Variants in PTPRS observed in about 807,000 individuals in gnomAD.
PTPRS encodes receptor-type tyrosine-protein phosphatase S.
Under a neutral mutation model 215.3 loss-of-function variants are expected in PTPRS, and 63 were observed. The ratio of observed to expected loss-of-function variants is 0.29; its 90% CI spans 0.24 to 0.36. The LOEUF (loss-of-function observed/expected upper bound fraction) is 0.36, where lower values mean the gene tolerates loss of function less well. Ranked by LOEUF, PTPRS falls within the 10% of genes least tolerant of loss-of-function variation. The pLI, the probability that PTPRS is intolerant of heterozygous loss-of-function variation, is 1.00. For missense variants in PTPRS, 2,258 were observed against 2,825.8 expected (o/e 0.80, Z 4.56); for synonymous variants, 1,404 against 1,191.4 (o/e 1.18, Z -3.68).
chr19:5,307,356 A>G (rs949099483), intron 1 of PTPRS, among the ~76,000 whole-genome samples: 4 of 152,162 alleles, frequency 2.6e-5, no homozygotes, highest in Non-Finnish European at 4.4e-5. Flanking sequence ...AATAAAAATA[A>G]CAGTACAAGA....
intron 1 of PTPRS, among the ~76,000 whole-genome samples, chr19:5,303,807 T>C (rs939879267): frequency 1.3e-5 from 2 of 151,108 alleles, no homozygotes; most frequent in Non-Finnish European, 1.5e-5. Flanking sequence ...AAAAATTAGC[T>C]GGGTGTGGTG....
chr19:5,225,797 C>G lies in PTPRS; in HGVS notation c.2424G>C (p.Thr808=). The G allele has an allele frequency of 6.2e-7, 1 of 1,614,058 alleles. No homozygotes were observed. The highest frequency in any genetic ancestry group is 1.1e-5 in the South Asian group (1 of 91,090). The change falls in exon 17 of 38, where the codon ACG becomes ACC. Residue 808 remains threonine, a synonymous_variant. Transcript: ENST00000262963. ...NLQPETAYSI[T]VAAYTMKGDG... Reference sequence around the variant, plus strand: ...CGCCCTTCATGGTGTAGGCGGCTACCGTGATGGAGTACGCGGTCTCAGGCT... The same window carrying G: ...CGCCCTTCATGGTGTAGGCGGCTACGGTGATGGAGTACGCGGTCTCAGGCT...
intron 4 of PTPRS, among the ~76,000 whole-genome samples, chr19:5,272,293 G>A (rs913496208): frequency 3.3e-5 from 5 of 152,036 alleles, no homozygotes; most frequent in African/African-American, 7.2e-5. Flanking sequence ...AACCCCTTGC[G>A]ACTTGTTCAA....
chr19:5,214,143 T>G (rs569732842), intron 30 of PTPRS, among the ~76,000 whole-genome samples: 1 of 152,194 alleles, frequency 6.6e-6, no homozygotes, highest in African/African-American at 2.4e-5. Flanking sequence ...TCTGCCGGCT[T>G]TGTTCTCCTG....
intron 1 of PTPRS, among the ~76,000 whole-genome samples, chr19:5,304,103 C>T (rs1484430136): frequency 6.6e-6 from 1 of 152,072 alleles, no homozygotes; most frequent in East Asian, 1.9e-4. Context: ...TACTGTATAC[C>T]AGGCTCTGGG....
At chr19:5,267,539 C>A (rs926291459) in intron 4 of PTPRS, among the ~76,000 whole-genome samples, 4 of 151,928 alleles carry the variant, frequency 2.6e-5, no homozygotes, top group Admixed American at 2.6e-4. Flanking sequence ...CGCCTGTAAT[C>A]CCAGTTCCTT....
At chr19:5,211,032 CG>C (rs561276313) in intron 33 of PTPRS, among the ~76,000 whole-genome samples, 37 of 152,344 alleles carry the variant, frequency 2.4e-4, no homozygotes, top group African/African-American at 8.2e-4. Flanking sequence ...GACAAAGCTG[CG>C]GGACTATCCA....
chr19:5,299,088 G>A (rs955237173), intron 1 of PTPRS, among the ~76,000 whole-genome samples: 3 of 151,728 alleles, frequency 2.0e-5, no homozygotes, highest in Non-Finnish European at 2.9e-5. Flanking sequence ...TCCCACCCTC[G>A]CCCTCCAGTC....
Position 5,240,452 on chromosome 19 carries a change from T to A in PTPRS, c.1571-120A>T, listed in dbSNP as rs10402904. The A allele has an allele frequency of 6.9e-3, 7,397 of 1,069,088 alleles. 386 individuals are homozygous for A. In the African/African-American group the frequency reaches 0.11, roughly 16 times the overall value. The allele number at this position is 1,069,088 out of a possible 1,614,324, so 66.2% of individuals were successfully genotyped here. A position where few individuals can be genotyped will look rare whatever the true frequency, so the allele number is the denominator to read the frequency against. On this transcript the variant is annotated intron_variant, in intron 11 of 37. Coordinates refer to ENST00000262963, the MANE Select transcript of PTPRS (RefSeq NM_002850.4). ...TCTGGGTGCTTCTAGAATGTTCTTT[T>A]ATTTTCCTGGGGACCTCGCCCCCAT...
chr19:5,284,413 A>AAATG lies in PTPRS; in HGVS notation c.91+1636_91+1637insCATT, dbSNP rs1641661495. ...TAAATAAATAAATAAATAAATAAAT[A>AAATG]AATAAAAATTAGCCAGGTCAGGCAC... On this transcript the variant is annotated intron_variant, in intron 2 of 37. Coordinates refer to ENST00000262963, the MANE Select transcript of PTPRS (RefSeq NM_002850.4). Among the ~76,000 whole-genome samples the AAATG allele has an allele frequency of 3.9e-5, 4 of 101,654 alleles. No homozygotes were observed. The South Asian group carries it at 1.1e-3, about 27-fold the overall frequency. 66.7% of individuals were successfully genotyped at this position (101,654 alleles called of 152,430 possible).
chr19:5,281,187 A>G (rs1398901094), intron 2 of PTPRS, among the ~76,000 whole-genome samples: 2 of 150,794 alleles, frequency 1.3e-5, no homozygotes, highest in Non-Finnish European at 3.0e-5. Context: ...GAAGCTGGGC[A>G]TGGTAGCTCA....
Position 5,215,424 on chromosome 19 carries a change from G to A in PTPRS, c.4195-12C>T, listed in dbSNP as rs2041332905. 1.2e-6 allele frequency: 2 copies of A among 1,613,326 alleles called. No individual in the cohort carries two copies. The highest frequency in any genetic ancestry group is 1.3e-5 in the African/African-American group (1 of 74,638). On this transcript the variant is annotated splice_polypyrimidine_tract_variant and intron_variant, in intron 27 of 37. Transcript: ENST00000262963. The stretch of plus-strand genomic sequence containing the variant: ...CCAGGGTCGATGGACTACAGAGGAA[G>A]GGGAGAGCGCGGGTGTCAGGGTAGG...
intron 5 of PTPRS, among the ~76,000 whole-genome samples, chr19:5,264,360 C>G (rs191744314): frequency 1.3e-5 from 2 of 152,208 alleles, no homozygotes; most frequent in South Asian, 4.1e-4. Context: ...CCTTCCATAG[C>G]TCCCTATTAC....
At position 5,240,857 on chromosome 19, in the gene PTPRS, A is replaced by C. The variant is rs2043975259; in HGVS notation, c.1571-525T>G. Among the ~76,000 whole-genome samples the C allele has an allele frequency of 2.7e-5, 4 of 148,138 alleles. No individual in the cohort carries two copies. In the South Asian group the frequency reaches 8.6e-4, roughly 32 times the overall value. ...CTGTCTCAAAAATAAATAAATAAATAAATAAAAATAAAAAAAATAAAAATC... is the reference window on the plus strand; with the variant it reads ...CTGTCTCAAAAATAAATAAATAAATCAATAAAAATAAAAAAAATAAAAATC... On this transcript the variant is annotated intron_variant, in intron 11 of 37. Transcript: ENST00000262963.
chr19:5,256,172 GA>G, intron 8 of PTPRS, 53 bp from the exon 9 acceptor site: 1 of 1,415,818 alleles, frequency 7.1e-7, no homozygotes, highest in South Asian at 1.4e-5. Context: ...GGGAAGAAGA[GA>G]AAAAATAGGG....
intron 4 of PTPRS, 129 bp downstream of exon 4, chr19:5,273,313 G>C: frequency 3.1e-6 from 4 of 1,306,872 alleles, no homozygotes; most frequent in Non-Finnish European, 4.4e-6. Context: ...GGTTGGATAA[G>C]GGAGATCAAG....
rs757987049 is a variant in PTPRS, at chr19:5,243,885, C to T, written c.1570+16G>A. The T allele has an allele frequency of 2.0e-6, 3 of 1,463,908 alleles. No individual in the cohort carries two copies. Among genetic ancestry groups the T allele is most frequent in the African/African-American group, 2.8e-5 (2 of 71,046 alleles). 90.7% of individuals were successfully genotyped at this position (1,463,908 alleles called of 1,614,324 possible). On this transcript the variant is annotated intron_variant, in intron 11 of 37. Coordinates refer to ENST00000262963, the MANE Select transcript of PTPRS (RefSeq NM_002850.4). ...GCACGGCCGGGGCCCCGAGTCCTGCCGACCCCACGCCTCACCTCCCTGCTG... is the reference window on the plus strand; with the variant it reads ...GCACGGCCGGGGCCCCGAGTCCTGCTGACCCCACGCCTCACCTCCCTGCTG...
intron 2 of PTPRS, among the ~76,000 whole-genome samples, chr19:5,281,422 T>C (rs560683548): frequency 5.3e-5 from 8 of 152,140 alleles, no homozygotes; most frequent in South Asian, 4.2e-4. Context: ...GATCACGCCA[T>C]TGCACTCCAG....
At chr19:5,239,197 T>TA in intron 12 of PTPRS, 134 bp from the exon 13 acceptor site, 1 of 516,206 alleles carries the variant, frequency 1.9e-6, no homozygotes, top group South Asian at 2.1e-5. Flanking sequence ...GACAGAGAAA[T>TA]AGAGACAGGG....
Sources: allele counts gnomAD v4.1 joint callset (sites outside exome capture counted in the v4.1 genomes callset), GRCh38; gene constraint gnomAD v4.1.1; transcripts MANE v1.5; gene names NCBI Gene and HGNC (gene_info 2026-07-23, HGNC 2026-07-21).